The following CLIP1 variants were observed in gnomAD, a reference collection of about 807,000 sequenced individuals.
CLIP1 encodes the protein CAP-Gly domain containing linker protein 1.
A neutral mutation model predicts 161.6 loss-of-function variants in CLIP1; 66 were observed. The ratio of observed to expected loss-of-function variants is 0.41; its 90% CI spans 0.33 to 0.50. The LOEUF is 0.50. Ranked by LOEUF, CLIP1 falls within the 20% of genes least tolerant of loss-of-function variation. The probability of loss-of-function intolerance (pLI) is 0.27; values close to 1 mark genes in which losing one functional copy is unlikely to be tolerated. For synonymous variants in CLIP1, 598 were observed against 626.2 expected (o/e 0.96, Z 0.67); for missense variants, 1,376 against 1,702.0 (o/e 0.81, Z 3.37).
chr12:122,278,332 C>T, intron 23 of CLIP1, 129 bp from the exon 24 acceptor site: 1 of 816,710 alleles, frequency 1.2e-6, no homozygotes, highest in African/African-American at 1.7e-5. Flanking sequence ...CCCAGATGCA[C>T]CACTTTCAGC....
rs192857293 is a variant in CLIP1, at chr12:122,331,518, T to C, written c.2867+1469A>G. On this transcript the variant is annotated intron_variant, in intron 15 of 25. Coordinates refer to ENST00000620786, the MANE Select transcript of CLIP1 (RefSeq NM_001247997.2). Reference sequence around the variant, plus strand: ...TTAGTAGCGATAGGGTTTCATCATGTTGGCCCAGCTGGTCTTGAACTGCTG... The same window carrying C: ...TTAGTAGCGATAGGGTTTCATCATGCTGGCCCAGCTGGTCTTGAACTGCTG... 3.4e-3 allele frequency among the ~76,000 whole-genome samples: 515 copies of C among 151,970 alleles called. 2 individuals are homozygous for C. The highest frequency in any genetic ancestry group is 0.012 in the African/African-American group (498 of 41,474).
At chr12:122,317,153 C>G (rs1951304713) in intron 18 of CLIP1, among the ~76,000 whole-genome samples, 1 of 152,144 alleles carries the variant, frequency 6.6e-6, no homozygotes, top group East Asian at 1.9e-4. Flanking sequence ...GCACTTATCA[C>G]TGAACTTGCT....
intron 17 of CLIP1, among the ~76,000 whole-genome samples, chr12:122,325,352 C>T (rs1451733707): frequency 6.6e-6 from 1 of 152,108 alleles, no homozygotes; most frequent in Non-Finnish European, 1.5e-5. Context: ...GCCACCACGC[C>T]CAGCTGATAT....
intron 24 of CLIP1, chr12:122,274,872 G>A (rs1955339695): frequency 2.6e-5 from 4 of 151,288 alleles, no homozygotes; most frequent in Admixed American, 2.6e-4. Context: ...TTATTTATGA[G>A]ATGGAGTCTT....
intron 2 of CLIP1, among the ~76,000 whole-genome samples, chr12:122,379,834 C>T (rs1445260762): frequency 6.7e-6 from 1 of 150,208 alleles, no homozygotes; most frequent in Non-Finnish European, 1.5e-5. Flanking sequence ...ATCCCAGCTA[C>T]TGGGGAGGCT....
In CLIP1 at chr12:122,311,454, T is replaced by C. The variant is rs1165697049; in HGVS notation, c.3474-1572A>G. Among the ~76,000 whole-genome samples, 1 of 151,764 alleles carries C rather than the reference T, an allele frequency of 6.6e-6. No homozygotes were observed. Among genetic ancestry groups the C allele is most frequent in the Non-Finnish European group, 1.5e-5 (1 of 67,962 alleles). ...ATTTTTTTTTTTTTGAGACAGAGTC[T>C]CGCTCTGTCGCCCAGGCTGGAGTGC... On this transcript the variant is annotated intron_variant, in intron 19 of 25. Coordinates refer to ENST00000620786, the MANE Select transcript of CLIP1 (RefSeq NM_001247997.2). The surrounding 1 kb of genome is among the most constrained non-coding windows in gnomAD (Gnocchi z 4.3).
intron 20 of CLIP1, among the ~76,000 whole-genome samples, chr12:122,296,933 G>A (rs1452987038): frequency 4.6e-5 from 7 of 151,132 alleles, no homozygotes; most frequent in African/African-American, 4.9e-5. Flanking sequence ...CAGCGTAGAC[G>A]AGTGGCCAAG....
intron 20 of CLIP1, among the ~76,000 whole-genome samples, chr12:122,294,105 G>C (rs1323477637): frequency 4.6e-5 from 7 of 151,506 alleles, no homozygotes; most frequent in Non-Finnish European, 1.0e-4. Context: ...GAGGCGGGCG[G>C]ATCACAAGGT....
In CLIP1 at chr12:122,387,533, A is replaced by AATAC. The variant is rs1955331864; in HGVS notation, c.-106-6979_-106-6976dup. Among the ~76,000 whole-genome samples, 2 of 140,854 alleles carry AATAC rather than the reference A, an allele frequency of 1.4e-5. 1 individual carries two copies. Among genetic ancestry groups the AATAC allele is most frequent in the South Asian group, 4.6e-4 (2 of 4,368 alleles). 92.4% of individuals were successfully genotyped at this position (140,854 alleles called of 152,430 possible). The stretch of plus-strand genomic sequence containing the variant: ...TAATTTTGTTAAATTTCAACCCTTG[A>AATAC]ATACATGCCTTTTCATATATATATA... On this transcript the variant is annotated intron_variant, in intron 1 of 25. Coordinates refer to ENST00000620786, the MANE Select transcript of CLIP1 (RefSeq NM_001247997.2).
intron 18 of CLIP1, among the ~76,000 whole-genome samples, chr12:122,317,786 C>T (rs1159250158): frequency 2.6e-5 from 4 of 152,198 alleles, no homozygotes. Flanking sequence ...TAACACCTAA[C>T]ATTCCAGATT....
At position 122,336,638 on chromosome 12, in the gene CLIP1, C is replaced by A; in HGVS notation, c.2562G>T (p.Gln854His). 1 of 1,578,922 alleles carries A rather than the reference C, an allele frequency of 6.3e-7. No homozygotes were observed. The highest frequency in any genetic ancestry group is 1.1e-5 in the South Asian group (1 of 89,460). Residue 854 changes from glutamine (Q) to histidine (H), a missense_variant, in exon 12 of 26, where the codon CAG (glutamine) becomes CAT (histidine). This residue lies in a region of CLIP1 where 948 missense variants were observed against 1,134.8 expected (regional missense o/e 0.84). Coordinates refer to ENST00000620786, the MANE Select transcript of CLIP1 (RefSeq NM_001247997.2). ...ATTCCCAACAGGTACTTACCAAAAT[C>A]TGAAGTTCTTTTTCCAAAGTCTCTT... is the stretch of plus-strand genomic sequence containing the variant. ...QVKETLEKEL[Q>H]ILKEKFAEAS...
At chr12:122,391,896 C>T (rs969353468) in intron 1 of CLIP1, among the ~76,000 whole-genome samples, 1 of 152,210 alleles carries the variant, frequency 6.6e-6, no homozygotes, top group African/African-American at 2.4e-5. Flanking sequence ...ATCACTAATT[C>T]TAAGAATCCA....
intron 10 of CLIP1, chr12:122,343,531 C>T (rs1952606982): frequency 6.6e-6 from 1 of 152,168 alleles, no homozygotes; most frequent in African/African-American, 2.4e-5. Context: ...TATGATAATT[C>T]TATCAGCATT....
At chr12:122,357,693 G>C (rs1015696002) in intron 5 of CLIP1, among the ~76,000 whole-genome samples, 32 of 146,582 alleles carry the variant, frequency 2.2e-4, no homozygotes, top group African/African-American at 7.6e-4. Context: ...AGATGGGGGG[G>C]TCAGTCCCCT....
intron 15 of CLIP1, among the ~76,000 whole-genome samples, chr12:122,331,561 C>A (rs956974679): frequency 6.6e-6 from 1 of 150,558 alleles, no homozygotes; most frequent in African/African-American, 2.4e-5. Flanking sequence ...GCGATCTGCC[C>A]GCCTCAGCCT....
At chr12:122,364,440 G>A (rs1954025656) in intron 3 of CLIP1, among the ~76,000 whole-genome samples, 1 of 145,470 alleles carries the variant, frequency 6.9e-6, no homozygotes, top group Non-Finnish European at 1.5e-5. Context: ...GTCTCACTCT[G>A]TCATCCAGGC....
In CLIP1 at chr12:122,377,763, G is replaced by T; in HGVS notation, c.283C>A (p.Pro95Thr). The T allele has an allele frequency of 6.2e-7, 1 of 1,613,872 alleles. No homozygotes were observed. Among genetic ancestry groups the T allele is most frequent in the Non-Finnish European group, 8.5e-7 (1 of 1,179,982 alleles). ...GQWAGIVLDE[P>T]IGKNDGSVAG... ...ACCGAACCATCGTTCTTGCCTATGG[G>T]TTCATCTAAAACAATTCCAGCCCAC... The change falls in exon 3 of 26, where the codon CCC becomes ACC. Residue 95 changes from proline to threonine, a missense_variant. Physicochemically the swap from Pro to Thr is conservative, Grantham distance 38. Transcript: ENST00000620786.
intron 3 of CLIP1, among the ~76,000 whole-genome samples, chr12:122,375,361 G>T (rs1462177866): frequency 6.6e-6 from 1 of 150,422 alleles, no homozygotes; most frequent in Admixed American, 6.6e-5. Flanking sequence ...CTGTTGCCCA[G>T]GCTAGAGTGC....
At chr12:122,278,246 A>C in intron 23 of CLIP1, 43 bp from the exon 24 acceptor site, 6 of 1,473,656 alleles carry the variant, frequency 4.1e-6, no homozygotes, top group Non-Finnish European at 5.5e-6. Context: ...TGGAGGGAGA[A>C]TATATGTATA....
Sources: allele counts gnomAD v4.1 joint callset (sites outside exome capture counted in the v4.1 genomes callset), GRCh38; gene constraint gnomAD v4.1.1; regional missense constraint gnomAD v4.1.1; non-coding constraint Gnocchi (gnomAD v3.1); transcripts MANE v1.5; gene names NCBI Gene and HGNC (gene_info 2026-07-23, HGNC 2026-07-21).